The following MICAL2 variants were observed in gnomAD, a reference collection of about 807,000 sequenced individuals.
MICAL2 encodes microtubule associated monooxygenase, calponin and LIM domain containing 2.
In MICAL2, 77 loss-of-function variants were observed where a neutral mutation model predicts 127.3. The observed-to-expected ratio is 0.60, with a 90% CI of 0.50 to 0.73. The LOEUF (loss-of-function observed/expected upper bound fraction) is 0.73. Among genes scored for constraint, MICAL2 ranks in the 30% least tolerant of loss-of-function variants. The pLI, the probability that MICAL2 is intolerant of heterozygous loss-of-function variation, is 0.00. For missense variants in MICAL2, 1,351 were observed against 1,434.4 expected, an observed-to-expected ratio of 0.94 and a Z score of 0.94; for synonymous variants, 570 against 551.1, an observed-to-expected ratio of 1.03 and a Z score of -0.48.
intron 32 of MICAL2, among the ~76,000 whole-genome samples, chr11:12,339,936 A>G (rs76475232): frequency 6.6e-6 from 1 of 152,228 alleles, no homozygotes; most frequent in Admixed American, 6.5e-5. Context: ...TCAGTTCTCA[A>G]GCTGTGTGCT....
intron 1 of MICAL2, among the ~76,000 whole-genome samples, chr11:12,137,033 G>A (rs1851895943): frequency 6.6e-6 from 1 of 152,236 alleles, no homozygotes; most frequent in Non-Finnish European, 1.5e-5. Flanking sequence ...GATCCCAGAA[G>A]CTTCCCTTGA....
chr11:12,278,869 A>G (rs986479878), intron 1 of MICAL2, among the ~76,000 whole-genome samples: 1 of 152,178 alleles, frequency 6.6e-6, no homozygotes, highest in Admixed American at 6.5e-5. Flanking sequence ...GAAAGTCAAG[A>G]GTTCTGTTTT....
At chr11:12,246,576 G>A (rs117178116) in intron 21 of MICAL2, among the ~76,000 whole-genome samples, 71 of 152,344 alleles carry the variant, frequency 4.7e-4, no homozygotes, top group Non-Finnish European at 9.0e-4. Context: ...GCCAATGTGT[G>A]AACATTCATT....
At chr11:12,329,962 C>G (rs1054649817) in intron 32 of MICAL2, among the ~76,000 whole-genome samples, 6 of 151,342 alleles carry the variant, frequency 4.0e-5, no homozygotes, top group African/African-American at 1.5e-4. Context: ...CCAAGCCAGA[C>G]AGAAGATGGA....
chr11:12,135,685 G>C (rs1480355450), intron 1 of MICAL2, among the ~76,000 whole-genome samples: 3 of 152,184 alleles, frequency 2.0e-5, no homozygotes, highest in African/African-American at 7.2e-5. Context: ...CCCTTGGTTT[G>C]ACTGATCATA....
At chr11:12,211,178 G>A (rs972178050) in intron 6 of MICAL2, among the ~76,000 whole-genome samples, 1 of 152,136 alleles carries the variant, frequency 6.6e-6, no homozygotes, top group Non-Finnish European at 1.5e-5. Context: ...TCAGGAGATC[G>A]AGACCATCCT....
intron 24 of MICAL2, among the ~76,000 whole-genome samples, chr11:12,270,815 A>T (rs761876966): frequency 6.6e-6 from 1 of 152,216 alleles, no homozygotes. Context: ...CCTTTCCTGC[A>T]AAGTGGGGTT....
intron 3 of MICAL2, among the ~76,000 whole-genome samples, chr11:12,202,489 A>T (rs957355087): frequency 1.3e-5 from 2 of 152,228 alleles, no homozygotes; most frequent in Admixed American, 6.5e-5. Context: ...GCTAAAACAC[A>T]GAAAGCACTT....
chr11:12,291,214 T>C (rs966031812), downstream of MICAL2, among the ~76,000 whole-genome samples: 3 of 152,072 alleles, frequency 2.0e-5, no homozygotes, highest in African/African-American at 7.2e-5. Context: ...AAAAAGAGCA[T>C]GGCATTTTAC....
chr11:12,314,781 C>T (rs575631490), intron 29 of MICAL2, among the ~76,000 whole-genome samples: 33 of 152,016 alleles, frequency 2.2e-4, no homozygotes, highest in Middle Eastern at 3.4e-3. Flanking sequence ...TCACCTTGCC[C>T]GGCCAGAAAA....
Position 12,255,660 on chromosome 11 carries a change from G to A in MICAL2, c.2865G>A (p.Val955=). The A allele has an allele frequency of 6.2e-7, 1 of 1,614,096 alleles. No individual in the cohort carries two copies. Among genetic ancestry groups the A allele is most frequent in the Non-Finnish European group, 8.5e-7 (1 of 1,180,012 alleles). The change falls in exon 23 of 28, where the codon GTG becomes GTA. Residue 955 remains valine, a synonymous_variant. Coordinates refer to ENST00000683283, the MANE Select transcript of MICAL2 (RefSeq NM_001282663.2). Reference sequence around the variant, plus strand: ...TTGGTTAGCTGACGGTAGGGAAAGTGTCCAGCGGAATAGGGGCTGCAGCTG... The same window carrying A: ...TTGGTTAGCTGACGGTAGGGAAAGTATCCAGCGGAATAGGGGCTGCAGCTG... ...TVHPQLTVGK[V]SSGIGAAAEV... is the part of the protein sequence containing the mutation.
chr11:12,196,594 G>A (rs1159967628), intron 3 of MICAL2, among the ~76,000 whole-genome samples: 4 of 152,048 alleles, frequency 2.6e-5, no homozygotes, highest in Admixed American at 1.3e-4. Flanking sequence ...CAAGAAAGTA[G>A]GTCAACTGTT....
At chr11:12,279,896 G>A (rs1366496191) in intron 1 of MICAL2, among the ~76,000 whole-genome samples, 3 of 152,240 alleles carry the variant, frequency 2.0e-5, no homozygotes. Context: ...TGGGCACTCT[G>A]ATGGATAGGG....
rs111554112 is a variant in MICAL2, at chr11:12,182,957, T to G, written c.264+20538T>G. Among the ~76,000 whole-genome samples the G allele has an allele frequency of 2.8e-3, 426 of 152,292 alleles. 3 individuals are homozygous for G. Among genetic ancestry groups the G allele is most frequent in the African/African-American group, 9.6e-3 (400 of 41,558 alleles). On this transcript the variant is annotated intron_variant, in intron 3 of 27. Coordinates refer to ENST00000683283, the MANE Select transcript of MICAL2 (RefSeq NM_001282663.2). ...CAGGCCTGGGAAACCCATTAATCAT[T>G]GTCCTCGGTGGCCCCGCAGACCTGC...
Position 12,226,270 on chromosome 11 carries a change from C to CAAAG in MICAL2, c.1790_1793dup (p.Met599ArgfsTer9). The CAAAG allele has an allele frequency of 6.2e-7, 1 of 1,614,224 alleles. No homozygotes were observed. The highest frequency in any genetic ancestry group is 8.5e-7 in the Non-Finnish European group (1 of 1,180,040). ...TTGGGATCCCTCCAGTGACCACGGGCAAAGAGATGGCATCTGCCCAGGAGC... is the reference window on the plus strand; with the variant it reads ...TTGGGATCCCTCCAGTGACCACGGGCAAAGAAAGAGATGGCATCTGCCCAGGAGC... On this transcript the variant is annotated frameshift_variant, in exon 14 of 28. Coordinates refer to ENST00000683283, the MANE Select transcript of MICAL2 (RefSeq NM_001282663.2). LOFTEE classifies it high-confidence loss of function.
chr11:12,127,924 T>TA (rs1329895380), intron 1 of MICAL2, among the ~76,000 whole-genome samples: 2 of 152,204 alleles, frequency 1.3e-5, no homozygotes, highest in Admixed American at 6.5e-5. Flanking sequence ...AAATGGTACT[T>TA]ACCATTTCAG....
At chr11:12,187,122 C>G (rs1336168528) in intron 3 of MICAL2, among the ~76,000 whole-genome samples, 1 of 152,220 alleles carries the variant, frequency 6.6e-6, no homozygotes, top group Non-Finnish European at 1.5e-5. Context: ...GGCTCTGCCT[C>G]TTCCTCTTCC....
At chr11:12,355,260 C>G (rs138745807) in intron 34 of MICAL2, among the ~76,000 whole-genome samples, 173 of 152,194 alleles carry the variant, frequency 1.1e-3, no homozygotes, top group African/African-American at 3.7e-3. Context: ...AGATGAAGGC[C>G]ACATCAGAAG....
At chr11:12,114,814 C>T (rs1455852381) in intron 1 of MICAL2, among the ~76,000 whole-genome samples, 1 of 152,204 alleles carries the variant, frequency 6.6e-6, no homozygotes, top group Non-Finnish European at 1.5e-5. Context: ...AATAGAAGAA[C>T]TATCTGCTGC....
Sources: allele counts gnomAD v4.1 joint callset (sites outside exome capture counted in the v4.1 genomes callset), GRCh38; gene constraint gnomAD v4.1.1; transcripts MANE v1.5; gene names NCBI Gene and HGNC (gene_info 2026-07-23, HGNC 2026-07-21).